The following TENM2 variants were observed in gnomAD, a reference collection of about 807,000 sequenced individuals.
TENM2 encodes teneurin transmembrane protein 2.
A neutral mutation model predicts 245.2 loss-of-function variants in TENM2; 52 were observed. The ratio of observed to expected loss-of-function variants is 0.21; its 90% CI spans 0.17 to 0.27. TENM2 has a LOEUF of 0.27. Ranked by LOEUF, TENM2 falls within the 10% of genes least tolerant of loss-of-function variation. The pLI is 1.00. For synonymous variants in TENM2, 1,363 were observed against 1,438.9 expected (o/e 0.95, Z 1.19); for missense variants, 3,046 against 3,666.8 (o/e 0.83, Z 4.37).
At chr5:167,827,183 C>T (rs995938280) in intron 2 of TENM2, among the ~76,000 whole-genome samples, 6 of 152,204 alleles carry the variant, frequency 3.9e-5, no homozygotes, top group African/African-American at 1.4e-4. Flanking sequence ...TCGGAATAAC[C>T]GGCATTGGCT....
intron 2 of TENM2, among the ~76,000 whole-genome samples, chr5:167,790,183 A>G (rs1251432467): frequency 6.6e-6 from 1 of 152,056 alleles, no homozygotes; most frequent in African/African-American, 2.4e-5. Context: ...CGTTCGTGTC[A>G]GTGCGATTTC....
intron 2 of TENM2, among the ~76,000 whole-genome samples, chr5:167,510,104 G>A (rs1769835846): frequency 6.6e-6 from 1 of 152,158 alleles, no homozygotes; most frequent in South Asian, 2.1e-4. Context: ...GGCACAGATA[G>A]GCTCTCAATA....
intron 2 of TENM2, among the ~76,000 whole-genome samples, chr5:167,627,695 C>A (rs1778600296): frequency 6.6e-6 from 1 of 151,822 alleles, no homozygotes; most frequent in Admixed American, 6.6e-5. Flanking sequence ...GTAGCTGGGA[C>A]TATAGGTGCC....
chr5:167,215,793 T>TAC, the TENM2 span, among the ~76,000 whole-genome samples: 1 of 152,240 alleles, frequency 6.6e-6, no homozygotes, highest in Non-Finnish European at 1.5e-5. Flanking sequence ...AGCCATTTTA[T>TAC]ACACATTAGC....
chr5:167,784,777 G>A (rs1176237048), intron 2 of TENM2, among the ~76,000 whole-genome samples: 2 of 152,152 alleles, frequency 1.3e-5, no homozygotes, highest in African/African-American at 4.8e-5. Flanking sequence ...TCATCCATTG[G>A]AAAGATATAT....
chr5:167,451,927 G>A (rs1279054949), intron 2 of TENM2, among the ~76,000 whole-genome samples: 1 of 152,124 alleles, frequency 6.6e-6, no homozygotes, highest in Non-Finnish European at 1.5e-5. Context: ...GGGATTACAG[G>A]CATGAGCCAC....
At chr5:167,030,185 T>C in the TENM2 span, among the ~76,000 whole-genome samples, 6 of 152,294 alleles carry the variant, frequency 3.9e-5, no homozygotes, top group Admixed American at 2.6e-4. Context: ...TCTTTACTTC[T>C]TCACTGACCA....
At chr5:167,514,530 G>A (rs566194303) in intron 2 of TENM2, among the ~76,000 whole-genome samples, 19 of 152,174 alleles carry the variant, frequency 1.2e-4, no homozygotes, top group Non-Finnish European at 2.5e-4. Context: ...AAAAATAAAT[G>A]ATGCCCATTG....
At chr5:167,340,523 C>A (rs958486470) in intron 1 of TENM2, among the ~76,000 whole-genome samples, 1 of 152,100 alleles carries the variant, frequency 6.6e-6, no homozygotes, top group Non-Finnish European at 1.5e-5. Flanking sequence ...TTTGGTATCC[C>A]TTCCTCTTCT....
intron 5 of TENM2, among the ~76,000 whole-genome samples, chr5:168,041,566 A>G (rs1788190538): frequency 1.3e-5 from 2 of 152,206 alleles, no homozygotes; most frequent in Admixed American, 6.5e-5. Flanking sequence ...TGACCAGACT[A>G]CATTAAATGA....
At chr5:167,299,858 G>C (rs1755200308) in intron 1 of TENM2, among the ~76,000 whole-genome samples, 1 of 152,170 alleles carries the variant, frequency 6.6e-6, no homozygotes, top group African/African-American at 2.4e-5. Flanking sequence ...TCAACAAAGA[G>C]TGAGTACAGC....
chr5:167,475,090 A>T (rs1767284091), intron 2 of TENM2, among the ~76,000 whole-genome samples: 1 of 152,196 alleles, frequency 6.6e-6, no homozygotes, highest in South Asian at 2.1e-4. Context: ...TATATGCAAT[A>T]TTTGTTTTCT....
chr5:167,738,917 A>C (rs1033982626), intron 2 of TENM2, among the ~76,000 whole-genome samples: 4 of 152,198 alleles, frequency 2.6e-5, no homozygotes, highest in African/African-American at 9.7e-5. Context: ...CTCCACATAT[A>C]GTCCCATACT....
At chr5:167,379,404 A>G (rs932786741) in intron 2 of TENM2, among the ~76,000 whole-genome samples, 1 of 152,108 alleles carries the variant, frequency 6.6e-6, no homozygotes, top group African/African-American at 2.4e-5. Context: ...CACCGGGGAC[A>G]ATGTCCTTAG....
chr5:167,508,128 T>C lies in TENM2; in HGVS notation c.502+132655T>C, dbSNP rs139424221. On this transcript the variant is annotated intron_variant, in intron 2 of 28. Transcript: ENST00000518659. Reference sequence around the variant, plus strand: ...CCCAGCCAGTTTGTTACACGTCCCTTAATTATCAGAATAATTTTCACTTGA... The same window carrying C: ...CCCAGCCAGTTTGTTACACGTCCCTCAATTATCAGAATAATTTTCACTTGA... 8.4e-3 allele frequency among the ~76,000 whole-genome samples: 1,286 copies of C among 152,258 alleles called. 22 individuals carry two copies. Among genetic ancestry groups the C allele is most frequent in the African/African-American group, 0.029 (1,204 of 41,560 alleles).
chr5:167,445,839 AAG>A (rs1765177160), intron 2 of TENM2, among the ~76,000 whole-genome samples: 1 of 152,152 alleles, frequency 6.6e-6, no homozygotes. Context: ...ATGGAGCAGA[AAG>A]AGAAAGGGAG....
chr5:167,841,790 G>A (rs1156436890), intron 2 of TENM2, among the ~76,000 whole-genome samples: 1 of 152,136 alleles, frequency 6.6e-6, no homozygotes, highest in African/African-American at 2.4e-5. Flanking sequence ...ATTGCATTTA[G>A]TTATCTTTTC....
At chr5:167,457,470 G>A (rs1290752290) in intron 2 of TENM2, among the ~76,000 whole-genome samples, 1 of 151,942 alleles carries the variant, frequency 6.6e-6, no homozygotes, top group East Asian at 1.9e-4. Flanking sequence ...TGCCTCCCTA[G>A]TAGCTGGGAT....
chr5:167,569,925 A>C (rs1427365118), intron 2 of TENM2, among the ~76,000 whole-genome samples: 1 of 152,166 alleles, frequency 6.6e-6, no homozygotes, highest in Non-Finnish European at 1.5e-5. Flanking sequence ...TAATTATGAT[A>C]CATCCGAGAG....
Sources: allele counts gnomAD v4.1 joint callset (sites outside exome capture counted in the v4.1 genomes callset), GRCh38; gene constraint gnomAD v4.1.1; transcripts MANE v1.5; gene names NCBI Gene and HGNC (gene_info 2026-07-23, HGNC 2026-07-21).